NTM: variants seen among roughly 807,000 people sequenced by gnomAD.
NTM encodes IgLON family member 2.
In NTM, 13 loss-of-function variants were observed where a neutral mutation model predicts 42.1. The ratio of observed to expected loss-of-function variants is 0.31; its 90% CI spans 0.20 to 0.49. NTM has a LOEUF of 0.49. Ranked by LOEUF, NTM falls within the 20% of genes least tolerant of loss-of-function variation. The pLI, the probability that NTM is intolerant of heterozygous loss-of-function variation, is 0.99. For synonymous variants in NTM, 187 were observed against 179.2 expected, an observed-to-expected ratio of 1.04 and a Z score of -0.35; for missense variants, 373 against 452.8, an observed-to-expected ratio of 0.82 and a Z score of 1.60.
chr11:132,094,116 C>G (rs1307654086), intron 2 of NTM, among the ~76,000 whole-genome samples: 1 of 152,144 alleles, frequency 6.6e-6, no homozygotes, highest in Admixed American at 6.5e-5. Context: ...GCCAAAAACC[C>G]AGTGATTGGC....
At chr11:131,400,812 GA>G (rs1036822017) in intron 1 of NTM, among the ~76,000 whole-genome samples, 1 of 152,160 alleles carries the variant, frequency 6.6e-6, no homozygotes, top group Non-Finnish European at 1.5e-5. Flanking sequence ...GAATGTTTTA[GA>G]AAATCTAGGA....
Position 131,911,635 on chromosome 11 carries a change from A to C in NTM, c.154A>C (p.Ser52Arg), listed in dbSNP as rs375037641. The C allele has an allele frequency of 4.3e-6, 7 of 1,613,804 alleles. No homozygotes were observed. The highest frequency in any genetic ancestry group is 1.7e-5 in the Admixed American group (1 of 59,974). The change falls in exon 2 of 9, where the codon AGC (serine) becomes CGC (arginine). Residue 52 changes from serine (S) to arginine (R), a missense_variant. By Grantham distance (110) the Ser-to-Arg change is moderately radical. Coordinates refer to ENST00000683400, the MANE Select transcript of NTM (RefSeq NM_001352005.2). ...MDNVTVRQGE[S>R]ATLRCTIDNR... ...CAACGTGACGGTCCGGCAGGGGGAG[A>C]GCGCCACCCTCAGGTAGGGAGCTGA...
intron 1 of NTM, among the ~76,000 whole-genome samples, chr11:131,483,298 C>T (rs1953808497): frequency 6.6e-6 from 1 of 152,102 alleles, no homozygotes; most frequent in Non-Finnish European, 1.5e-5. Context: ...TGCCAAAGAC[C>T]AAGAAGTCCC....
chr11:132,277,164 C>A (rs1591686357), intron 4 of NTM, among the ~76,000 whole-genome samples: 1 of 152,076 alleles, frequency 6.6e-6, no homozygotes, highest in East Asian at 1.9e-4. Context: ...TGTCTTATTG[C>A]CCTAGTAAGA....
At chr11:131,920,615 G>T (rs1268305814) in intron 2 of NTM, among the ~76,000 whole-genome samples, 1 of 152,014 alleles carries the variant, frequency 6.6e-6, no homozygotes, top group Non-Finnish European at 1.5e-5. Flanking sequence ...TGAATTATTT[G>T]GTTTTATTTG....
At chr11:131,433,904 C>T (rs141225332) in intron 1 of NTM, among the ~76,000 whole-genome samples, 5,191 of 152,260 alleles carry the variant, frequency 0.034, 323 homozygotes, top group African/African-American at 0.12. Context: ...CCCATTAACT[C>T]GTCATTTACA....
chr11:132,004,612 TC>T (rs1445450386), intron 2 of NTM, among the ~76,000 whole-genome samples: 1 of 130,142 alleles, frequency 7.7e-6, no homozygotes. Context: ...TCTTTCTCTC[TC>T]TCTCTCTCTC....
In NTM at chr11:131,568,903, A is replaced by C. The variant is rs1421273942; in HGVS notation, c.82+198015A>C. On this transcript the variant is annotated intron_variant, in intron 1 of 8. Transcript: ENST00000683400. ...CAGATGCTCTCTCTCTCTCTTTTTC[A>C]ACAGCTTTATAGAGATACAATTCCA... Among the ~76,000 whole-genome samples the C allele has an allele frequency of 3.3e-5, 5 of 152,196 alleles. No homozygotes were observed. In the East Asian group the frequency reaches 9.7e-4, roughly 29 times the overall value.
chr11:131,880,800 T>TC (rs1286496910), intron 1 of NTM, among the ~76,000 whole-genome samples: 1 of 146,678 alleles, frequency 6.8e-6, no homozygotes, highest in Admixed American at 6.6e-5. Flanking sequence ...CAAATCTCAC[T>TC]CTTTTTTTTT....
At chr11:131,955,063 A>G (rs1214342239) in intron 2 of NTM, among the ~76,000 whole-genome samples, 2 of 152,128 alleles carry the variant, frequency 1.3e-5, no homozygotes, top group African/African-American at 2.4e-5. Context: ...TCCTTAGGAT[A>G]TATTCTTCCA....
chr11:132,057,925 A>T (rs935348034), intron 2 of NTM, among the ~76,000 whole-genome samples: 1 of 151,934 alleles, frequency 6.6e-6, no homozygotes, highest in Non-Finnish European at 1.5e-5. Flanking sequence ...GTGGCTTCTC[A>T]TTTCCAAGAT....
chr11:131,513,981 C>T (rs1401142613), intron 1 of NTM, among the ~76,000 whole-genome samples: 1 of 152,134 alleles, frequency 6.6e-6, no homozygotes, highest in Non-Finnish European at 1.5e-5. Context: ...TTTACCTTGG[C>T]TTCTGCCTCT....
intron 1 of NTM, among the ~76,000 whole-genome samples, chr11:131,851,319 A>C (rs1428968396): frequency 6.6e-6 from 1 of 152,146 alleles, no homozygotes; most frequent in African/African-American, 2.4e-5. Context: ...ACAGTCCAGC[A>C]CCGGCATTTC....
intron 1 of NTM, among the ~76,000 whole-genome samples, chr11:131,672,971 G>A (rs112400710): frequency 7.8e-6 from 1 of 127,556 alleles, no homozygotes; most frequent in African/African-American, 4.4e-5. Context: ...AGAAGACCAC[G>A]GTGCCGGGGT....
intron 1 of NTM, among the ~76,000 whole-genome samples, chr11:131,464,876 G>C (rs928805185): frequency 2.6e-5 from 4 of 152,184 alleles, no homozygotes; most frequent in African/African-American, 9.7e-5. Context: ...TGAATGTGCC[G>C]GTCTGGGTTG....
chr11:131,759,794 A>G (rs2083861360), intron 1 of NTM, among the ~76,000 whole-genome samples: 1 of 152,114 alleles, frequency 6.6e-6, no homozygotes, highest in African/African-American at 2.4e-5. Flanking sequence ...TTGATAATCT[A>G]GGAAGCCAGA....
chr11:131,469,263 A>G (rs1260363580), intron 1 of NTM, among the ~76,000 whole-genome samples: 2 of 152,226 alleles, frequency 1.3e-5, no homozygotes, highest in Non-Finnish European at 2.9e-5. Context: ...TACAATGGCT[A>G]CTATCTTTGG....
At chr11:132,297,931 A>G (rs2094685676) in intron 4 of NTM, among the ~76,000 whole-genome samples, 1 of 152,188 alleles carries the variant, frequency 6.6e-6, no homozygotes, top group South Asian at 2.1e-4. Flanking sequence ...TAACAGTTCC[A>G]CAATTCTCAG....
At chr11:131,431,938 A>T (rs760081923) in intron 1 of NTM, among the ~76,000 whole-genome samples, 3 of 152,116 alleles carry the variant, frequency 2.0e-5, no homozygotes, top group Non-Finnish European at 4.4e-5. Context: ...CCCTGTTTGG[A>T]GTGGTAGAGG....
Sources: allele counts gnomAD v4.1 joint callset (sites outside exome capture counted in the v4.1 genomes callset), GRCh38; gene constraint gnomAD v4.1.1; transcripts MANE v1.5; gene names NCBI Gene and HGNC (gene_info 2026-07-23, HGNC 2026-07-21).